Variants in SLC30A8 observed in about 807,000 individuals in gnomAD.
SLC30A8 encodes the protein solute carrier family 30 member 8.
In SLC30A8, 27 loss-of-function variants were observed where a neutral mutation model predicts 36.9. That is an observed-to-expected ratio of 0.73 (90% CI 0.54 to 1.01). SLC30A8 has a LOEUF of 1.01. Ranked by LOEUF, SLC30A8 falls within the 50% of genes least tolerant of loss-of-function variation. SLC30A8 has a pLI of 0.00. For synonymous variants in SLC30A8, 164 were observed against 172.4 expected (o/e 0.95, Z 0.38); for missense variants, 439 against 452.0 (o/e 0.97, Z 0.26).
chr8:117,096,834 C>T (rs1819385280), intron 2 of SLC30A8, among the ~76,000 whole-genome samples: 1 of 152,068 alleles, frequency 6.6e-6, no homozygotes, highest in Admixed American at 6.5e-5. Flanking sequence ...ACTCCAAATT[C>T]TACTTGTCTT....
intron 2 of SLC30A8, among the ~76,000 whole-genome samples, chr8:117,104,911 C>T (rs1296817393): frequency 4.6e-5 from 7 of 152,058 alleles, no homozygotes; most frequent in Non-Finnish European, 1.0e-4. Context: ...AGGGTAACTT[C>T]CTGATGTTGT....
intron 2 of SLC30A8, among the ~76,000 whole-genome samples, chr8:117,062,639 T>C (rs1015423784): frequency 6.6e-6 from 1 of 152,012 alleles, no homozygotes; most frequent in Non-Finnish European, 1.5e-5. Context: ...CCACATTACG[T>C]GGGAAGGAGG....
intron 2 of SLC30A8, among the ~76,000 whole-genome samples, chr8:117,073,777 G>A (rs1021901109): frequency 2.0e-5 from 3 of 151,876 alleles, no homozygotes; most frequent in Non-Finnish European, 1.5e-5. Flanking sequence ...AGAATACTGT[G>A]GTCTGAGTCA....
chr8:117,144,221 C>T (rs1247156749), intron 1 of SLC30A8, among the ~76,000 whole-genome samples: 1 of 152,164 alleles, frequency 6.6e-6, no homozygotes, highest in Non-Finnish European at 1.5e-5. Flanking sequence ...GGATATTATA[C>T]ATAACAAAAG....
chr8:117,041,837 A>G (rs1332040685), intron 2 of SLC30A8, among the ~76,000 whole-genome samples: 2 of 152,232 alleles, frequency 1.3e-5, no homozygotes, highest in African/African-American at 2.4e-5. Flanking sequence ...GCCGTCTTCA[A>G]TAAGATACAT....
chr8:117,161,865 A>G lies in SLC30A8; in HGVS notation c.700A>G (p.Ser234Gly), dbSNP rs1586608352. ...DLFQSISVLISALIIYFKPEY... is the reference protein window; with the variant it reads ...DLFQSISVLIGALIIYFKPEY... Reference sequence around the variant, plus strand: ...ATTTCAGAGTATCAGTGTGCTAATTAGTGCACTTATTATCTACTTTAAGGT... The same window carrying G: ...ATTTCAGAGTATCAGTGTGCTAATTGGTGCACTTATTATCTACTTTAAGGT... Residue 234 changes from serine (S) to glycine (G), a missense_variant, in exon 5 of 8, where the codon AGT becomes GGT. Coordinates refer to ENST00000456015, the MANE Select transcript of SLC30A8 (RefSeq NM_173851.3). The G allele has an allele frequency of 6.2e-7, 1 of 1,613,494 alleles. No homozygotes were observed. Among genetic ancestry groups the G allele is most frequent in the African/African-American group, 1.3e-5 (1 of 75,024 alleles).
chr8:117,000,410 G>A (rs780197504), intron 1 of SLC30A8, among the ~76,000 whole-genome samples: 2 of 152,168 alleles, frequency 1.3e-5, no homozygotes, highest in East Asian at 1.9e-4. Context: ...CAGGTTTGTC[G>A]TAAGGATCAA....
intron 2 of SLC30A8, among the ~76,000 whole-genome samples, chr8:117,050,686 G>A (rs574747401): frequency 4.5e-4 from 68 of 152,200 alleles, no homozygotes; most frequent in Non-Finnish European, 7.1e-4. Flanking sequence ...GATTACAGGC[G>A]TGAGCCACCA....
chr8:117,112,065 A>C (rs562766885), intron 2 of SLC30A8, among the ~76,000 whole-genome samples: 2 of 152,186 alleles, frequency 1.3e-5, no homozygotes, highest in South Asian at 4.1e-4. Context: ...AGAGGATGAC[A>C]TTTCTTCCGT....
At chr8:117,146,905 C>T (rs1204374379) in intron 1 of SLC30A8, 49 bp from the exon 2 acceptor site, 3 of 1,607,472 alleles carry the variant, frequency 1.9e-6, no homozygotes, top group Admixed American at 3.4e-5. Context: ...CAGTGAGTGG[C>T]TTGTTTGCAA....
chr8:117,008,985 G>T (rs1450568609), intron 1 of SLC30A8, among the ~76,000 whole-genome samples: 1 of 152,120 alleles, frequency 6.6e-6, no homozygotes, highest in African/African-American at 2.4e-5. Context: ...CAGTAAAGAT[G>T]GAATAATACA....
intron 2 of SLC30A8, among the ~76,000 whole-genome samples, chr8:117,053,968 C>T (rs1157402278): frequency 1.3e-5 from 2 of 152,148 alleles, no homozygotes; most frequent in Admixed American, 6.5e-5. Flanking sequence ...GAACCCAAGC[C>T]TCTGAATTGA....
intron 1 of SLC30A8, among the ~76,000 whole-genome samples, chr8:117,145,120 C>G (rs1377376192): frequency 6.6e-6 from 1 of 152,060 alleles, no homozygotes; most frequent in Non-Finnish European, 1.5e-5. Context: ...CTGGAGACCT[C>G]GTCAAAAAGT....
chr8:117,084,020 G>T (rs534247625), intron 2 of SLC30A8, among the ~76,000 whole-genome samples: 1 of 152,170 alleles, frequency 6.6e-6, no homozygotes, highest in South Asian at 2.1e-4. Context: ...AAGTAACAGA[G>T]CCCTTATATA....
At chr8:117,077,878 A>G (rs960697874) in intron 2 of SLC30A8, among the ~76,000 whole-genome samples, 1 of 152,178 alleles carries the variant, frequency 6.6e-6, no homozygotes, top group Non-Finnish European at 1.5e-5. Flanking sequence ...ACCTAAAGTA[A>G]ACTTGGTTTT....
At chr8:117,027,798 C>T (rs1373849552) in intron 1 of SLC30A8, among the ~76,000 whole-genome samples, 3 of 152,138 alleles carry the variant, frequency 2.0e-5, no homozygotes, top group Non-Finnish European at 4.4e-5. Flanking sequence ...ACCCTGCTGT[C>T]ACCTTTGGAG....
rs899899125 is a variant in SLC30A8 at position 117,174,923 on chromosome 8, A to G, written c.*2242A>G. 1.3e-5 allele frequency: 2 copies of G among 152,158 alleles called. No homozygotes were observed. The highest frequency in any genetic ancestry group is 4.9e-5 in the African/African-American group (2 of 41,132). The allele number at this position is 152,158 out of a possible 1,614,324, so 9.4% of individuals were successfully genotyped here. ...GGGAGATTTTAAGGATTTTGAGATG[A>G]AAAAACAGATGCTACTCAGGGGCTT... On this transcript the variant is annotated 3_prime_UTR_variant, in exon 8 of 8. Coordinates refer to ENST00000456015, the MANE Select transcript of SLC30A8 (RefSeq NM_173851.3).
chr8:117,138,064 A>C (rs1821445819), intron 1 of SLC30A8, among the ~76,000 whole-genome samples: 1 of 148,506 alleles, frequency 6.7e-6, no homozygotes, highest in Non-Finnish European at 1.5e-5. Context: ...TTGTAGCAAA[A>C]AAAAAAAAAA....
intron 2 of SLC30A8, among the ~76,000 whole-genome samples, chr8:117,065,750 C>G (rs935678800): frequency 6.6e-6 from 1 of 151,946 alleles, no homozygotes; most frequent in African/African-American, 2.4e-5. Flanking sequence ...AATTCTCAAT[C>G]CAGGAGGAAA....
Sources: gnomAD v4.1 joint callset for allele counts (sites outside exome capture counted in the v4.1 genomes callset) on GRCh38, gnomAD v4.1.1 for gene constraint, MANE v1.5 for transcripts, NCBI Gene and HGNC (gene_info 2026-07-23, HGNC 2026-07-21) for gene names.